Variants in TCEA2 observed in about 807,000 individuals in gnomAD.
TCEA2 encodes transcription elongation factor A2.
Under a neutral mutation model 40.8 loss-of-function variants are expected in TCEA2, and 21 were observed. The ratio of observed to expected loss-of-function variants is 0.51; its 90% CI spans 0.36 to 0.74. TCEA2 has a LOEUF of 0.74. Among genes scored for constraint, TCEA2 ranks in the 30% least tolerant of loss-of-function variants. The pLI is 0.00. For synonymous variants in TCEA2, 165 were observed against 162.7 expected (o/e 1.01, Z -0.11); for missense variants, 326 against 426.5 (o/e 0.76, Z 2.08).
intron 8 of TCEA2, 103 bp downstream of exon 8, chr20:64,070,738 C>T: frequency 7.0e-7 from 1 of 1,429,420 alleles, no homozygotes; most frequent in Non-Finnish European, 9.3e-7. Context: ...GCATGAATTT[C>T]CCGAGCCTCT....
upstream of TCEA2, among the ~76,000 whole-genome samples, chr20:64,061,284 GT>G (rs2059560850): frequency 2.9e-5 from 4 of 138,928 alleles, no homozygotes; most frequent in East Asian, 4.3e-4. Context: ...TTTTGTTGTT[GT>G]TTGTTTTTGA....
intron 1 of TCEA2, among the ~76,000 whole-genome samples, chr20:64,057,984 A>G (rs1216121183): frequency 6.6e-6 from 1 of 152,136 alleles, no homozygotes; most frequent in Admixed American, 6.5e-5. Flanking sequence ...CTCTGGGGCC[A>G]GTCACCTGCC....
Position 64,068,123 on chromosome 20 carries a change from C to T in TCEA2, c.318C>T (p.Ala106=). ...LPTSSRDASE[A]PDPSRKRPEL... Reference sequence around the variant, plus strand: ...CGTCCTCGAGGGATGCCTCAGAGGCCCCGGATCCCAGGTAGCACACCTGGA... The same window carrying T: ...CGTCCTCGAGGGATGCCTCAGAGGCTCCGGATCCCAGGTAGCACACCTGGA... The change falls in exon 4 of 10, where the codon GCC becomes GCT. Residue 106 remains alanine (A), a synonymous_variant. Transcript: ENST00000343484. 1 of 1,608,272 alleles carries T rather than the reference C, an allele frequency of 6.2e-7. No homozygotes were observed. The highest frequency in any genetic ancestry group is 8.5e-7 in the Non-Finnish European group (1 of 1,177,878).
At chr20:64,060,240 G>C (rs1259547683), upstream of TCEA2, among the ~76,000 whole-genome samples, 1 of 152,100 alleles carries the variant, frequency 6.6e-6, no homozygotes, top group African/African-American at 2.4e-5. Context: ...CTGATACTTG[G>C]AGGTCTCCCC....
chr20:64,060,246 TC>T (rs1043736002), upstream of TCEA2, among the ~76,000 whole-genome samples: 19 of 151,510 alleles, frequency 1.3e-4, no homozygotes, highest in Admixed American at 3.3e-4. Context: ...CTTGGAGGTC[TC>T]CCCCCCACCC....
At chr20:64,064,719 G>T (rs2059646998) in intron 1 of TCEA2, among the ~76,000 whole-genome samples, 1 of 152,184 alleles carries the variant, frequency 6.6e-6, no homozygotes, top group Non-Finnish European at 1.5e-5. Flanking sequence ...CTGGACTGGG[G>T]TCTGCCCTGG....
chr20:64,069,934 C>A (rs2059789672), intron 6 of TCEA2, 113 bp downstream of exon 6: 7 of 1,356,222 alleles, frequency 5.2e-6, no homozygotes, highest in South Asian at 2.4e-5. Flanking sequence ...CCAGGGGTCA[C>A]CTGCCTGGGT....
chr20:64,064,858 C>A (rs1293257814), intron 1 of TCEA2, among the ~76,000 whole-genome samples: 12 of 152,082 alleles, frequency 7.9e-5, no homozygotes, highest in Admixed American at 7.9e-4. Context: ...CCAGAGATGA[C>A]CCGAGAATGG....
chr20:64,069,655 T>C (rs1301052133), intron 5 of TCEA2, 110 bp from the exon 6 acceptor site: 1 of 1,534,018 alleles, frequency 6.5e-7, no homozygotes, highest in Non-Finnish European at 8.8e-7. Flanking sequence ...ATCGTGGGCC[T>C]CTTGCAGGGA....
At position 64,069,771 on chromosome 20, in the gene TCEA2, A is replaced by G. The variant is rs955729509; in HGVS notation, c.467A>G (p.His156Arg). 13 of 1,611,868 alleles carry G rather than the reference A, an allele frequency of 8.1e-6. No homozygotes were observed. Among genetic ancestry groups the G allele is most frequent in the East Asian group, 4.5e-5 (2 of 44,842 alleles). ...TCAGGGCTCCCTCTTGCAGATGACC[A>G]CGTGGCCATCGGTGCGGACTGCGAG... Reference protein sequence around the residue: ...LTAALQTDHDHVAIGADCERL... With the variant: ...LTAALQTDHDRVAIGADCERL... The change falls in exon 6 of 10, where the codon CAC (histidine) becomes CGC (arginine). Residue 156 changes from histidine to arginine, a missense_variant. Transcript: ENST00000343484.
At chr20:64,060,831 C>T (rs536056919), upstream of TCEA2, among the ~76,000 whole-genome samples, 55 of 151,968 alleles carry the variant, frequency 3.6e-4, no homozygotes, top group Non-Finnish European at 7.4e-4. Flanking sequence ...CACTCTGTTG[C>T]CAGGCTGGAG....
intron 3 of TCEA2, 68 bp from the exon 4 acceptor site, chr20:64,067,979 T>C (rs1195400039): frequency 8.1e-7 from 1 of 1,241,182 alleles, no homozygotes; most frequent in African/African-American, 1.5e-5. Flanking sequence ...GGCTGTACCT[T>C]GGTGGTGGTC....
chr20:64,070,097 C>G, intron 6 of TCEA2, 163 bp from the exon 7 acceptor site: 1 of 1,121,828 alleles, frequency 8.9e-7, no homozygotes, highest in Non-Finnish European at 1.3e-6. Flanking sequence ...CAGGCTTGGC[C>G]CTGCAGCCCT....
Position 64,066,415 on chromosome 20 carries a change from G to A in TCEA2, c.73-61G>A, listed in dbSNP as rs1001040310. 27 of 1,570,740 alleles carry A rather than the reference G, an allele frequency of 1.7e-5. No individual in the cohort carries two copies. In the Admixed American group the frequency reaches 3.4e-4, roughly 20 times the overall value. ...TTGTGTTCTCCTCCAGTAGGCAGAA[G>A]GAGGTGATATTGTCTGTTGAGATCT... On this transcript the variant is annotated intron_variant, in intron 1 of 9. Coordinates refer to ENST00000343484, the MANE Select transcript of TCEA2 (RefSeq NM_003195.6).
chr20:64,067,473 A>AGGGCT (rs1014716113), intron 3 of TCEA2, among the ~76,000 whole-genome samples: 4 of 144,296 alleles, frequency 2.8e-5, no homozygotes, highest in African/African-American at 5.0e-5. Context: ...AGGGAAGGGA[A>AGGGCT]GGGCTGGGCT....
chr20:64,070,425 G>A lies in TCEA2; in HGVS notation c.672+11G>A. 6.2e-7 allele frequency: 1 copy of A among 1,614,076 alleles called. No individual in the cohort carries two copies. The highest frequency in any genetic ancestry group is 1.1e-5 in the South Asian group (1 of 91,090). On this transcript the variant is annotated intron_variant, in intron 7 of 9. Transcript: ENST00000343484. ...GTGATGACCTCAGAGGTGAGCCCCT[G>A]TTGGAGGGGCTGGAGGGCTGCTCCC...
At chr20:64,071,529 G>A (rs775681217) in intron 8 of TCEA2, among the ~76,000 whole-genome samples, 3 of 152,156 alleles carry the variant, frequency 2.0e-5, no homozygotes, top group Non-Finnish European at 4.4e-5. Context: ...GCCTGTGGCC[G>A]GAGGCTCACC....
At chr20:64,071,826 C>T (rs373544797) in intron 8 of TCEA2, 44 bp from the exon 9 acceptor site, 143 of 1,606,516 alleles carry the variant, frequency 8.9e-5, no homozygotes, top group Admixed American at 5.1e-5. Flanking sequence ...CCGTCTGCAG[C>T]GGAGCATGGA....
intron 1 of TCEA2, among the ~76,000 whole-genome samples, chr20:64,064,922 G>A (rs534985418): frequency 6.6e-6 from 1 of 151,766 alleles, no homozygotes; most frequent in East Asian, 2.0e-4. Flanking sequence ...GCTGTAGGTG[G>A]GAGAAGCAAA....
Sources: gnomAD v4.1 joint callset for allele counts (sites outside exome capture counted in the v4.1 genomes callset) on GRCh38, gnomAD v4.1.1 for gene constraint, MANE v1.5 for transcripts, NCBI Gene and HGNC (gene_info 2026-07-23, HGNC 2026-07-21) for gene names.